VWA3B: variants seen among roughly 807,000 people sequenced by gnomAD.
VWA3B encodes von Willebrand factor A domain-containing protein 3B.
In VWA3B, 138 loss-of-function variants were observed where a neutral mutation model predicts 158.3. That is an observed-to-expected ratio of 0.87 (90% CI 0.76 to 1.00). VWA3B has a LOEUF of 1.00. Among genes scored for constraint, VWA3B ranks in the 50% least tolerant of loss-of-function variants. The pLI is 0.00. For missense variants in VWA3B, 1,555 were observed against 1,565.1 expected (o/e 0.99, Z 0.11); for synonymous variants, 596 against 587.3 (o/e 1.01, Z -0.21).
intron 23 of VWA3B, chr2:98,291,616 A>G (rs1689497411): frequency 6.6e-6 from 1 of 152,234 alleles, no homozygotes; most frequent in South Asian, 2.1e-4. Context: ...TGAAGTTTTC[A>G]AAAGCTCTCT....
chr2:98,112,495 C>T (rs537486630), intron 2 of VWA3B, among the ~76,000 whole-genome samples: 19 of 151,772 alleles, frequency 1.3e-4, no homozygotes, highest in Non-Finnish European at 2.5e-4. Context: ...ACCTTTTCAT[C>T]AGAGAAATCA....
At chr2:98,231,844 A>G (rs1344001977) in intron 16 of VWA3B, among the ~76,000 whole-genome samples, 2 of 152,226 alleles carry the variant, frequency 1.3e-5, no homozygotes, top group Non-Finnish European at 2.9e-5. Context: ...AATATTTCCC[A>G]CTTAGTCTCA....
Position 98,300,139 on chromosome 2 carries a change from G to GC in VWA3B, c.3345dup (p.Ile1116HisfsTer8). The GC allele has an allele frequency of 6.2e-7, 1 of 1,614,218 alleles. No individual in the cohort carries two copies. The highest frequency in any genetic ancestry group is 8.5e-7 in the Non-Finnish European group (1 of 1,180,030). On this transcript the variant is annotated frameshift_variant, in exon 25 of 28. Coordinates refer to ENST00000477737, the MANE Select transcript of VWA3B (RefSeq NM_144992.5). LOFTEE classifies it high-confidence loss of function. ...CAAAGGATTTGACTTCTATGTCCCT[G>GC]CCATTGTCATAGCACTTCCCAATAA...
At chr2:98,102,490 C>G (rs950705044) in intron 2 of VWA3B, among the ~76,000 whole-genome samples, 2 of 152,086 alleles carry the variant, frequency 1.3e-5, no homozygotes, top group Non-Finnish European at 2.9e-5. Context: ...ACCAGGCGGC[C>G]GGGCAGAGAC....
chr2:98,223,125 T>C (rs1684643250), intron 14 of VWA3B, among the ~76,000 whole-genome samples: 1 of 151,954 alleles, frequency 6.6e-6, no homozygotes, highest in Admixed American at 6.5e-5. Context: ...TCTCAGAATA[T>C]AAGTAGGAAT....
At chr2:98,219,976 G>A (rs996731273) in intron 14 of VWA3B, among the ~76,000 whole-genome samples, 6 of 151,970 alleles carry the variant, frequency 3.9e-5, no homozygotes, top group South Asian at 2.1e-4. Flanking sequence ...CAGCCTGAGC[G>A]ACACGGCAAG....
intron 2 of VWA3B, among the ~76,000 whole-genome samples, chr2:98,105,597 G>A (rs1214924481): frequency 2.0e-5 from 3 of 151,930 alleles, no homozygotes; most frequent in African/African-American, 2.4e-5. Flanking sequence ...TAAGGTTCAC[G>A]TTTTTTTGTA....
chr2:98,191,221 A>T (rs573467210), intron 10 of VWA3B, among the ~76,000 whole-genome samples: 1 of 151,908 alleles, frequency 6.6e-6, no homozygotes, highest in African/African-American at 2.4e-5. Context: ...TTCTCTCCTC[A>T]TTCTGTTTAT....
chr2:98,234,559 C>T, intron 16 of VWA3B, 89 bp from the exon 17 acceptor site: 1 of 1,566,732 alleles, frequency 6.4e-7, no homozygotes, highest in Admixed American at 1.8e-5. Context: ...TGCATTCTTA[C>T]TTTAAGGAGC....
intron 7 of VWA3B, among the ~76,000 whole-genome samples, chr2:98,151,625 C>T (rs1203811867): frequency 6.6e-6 from 1 of 152,150 alleles, no homozygotes; most frequent in Non-Finnish European, 1.5e-5. Context: ...GGCTTGGAGA[C>T]AGTGTTTGCT....
intron 4 of VWA3B, among the ~76,000 whole-genome samples, chr2:98,120,219 G>C (rs994725353): frequency 2.0e-5 from 3 of 152,150 alleles, no homozygotes; most frequent in Non-Finnish European, 2.9e-5. Flanking sequence ...TGGCTTTATA[G>C]AATTTCCCAT....
At chr2:98,292,756 G>A (rs559657407) in intron 23 of VWA3B, among the ~76,000 whole-genome samples, 31 of 152,122 alleles carry the variant, frequency 2.0e-4, no homozygotes, top group African/African-American at 6.7e-4. Context: ...CCTGAGGTCG[G>A]GAGTTTGAGA....
chr2:98,099,293 A>G (rs1682925771), intron 2 of VWA3B: 1 of 152,078 alleles, frequency 6.6e-6, no homozygotes, highest in Admixed American at 6.6e-5. Flanking sequence ...GCTTTTGTTT[A>G]TCTGTGAAAG....
intron 22 of VWA3B, among the ~76,000 whole-genome samples, chr2:98,281,191 A>T (rs1237572496): frequency 6.6e-6 from 1 of 152,158 alleles, no homozygotes; most frequent in African/African-American, 2.4e-5. Context: ...ATCCCTCTAA[A>T]TCTAAATGAG....
intron 21 of VWA3B, among the ~76,000 whole-genome samples, chr2:98,260,699 T>G (rs931434835): frequency 1.3e-5 from 2 of 151,778 alleles, no homozygotes; most frequent in East Asian, 3.8e-4. Context: ...CAATATATGC[T>G]TCACACATTT....
intron 7 of VWA3B, among the ~76,000 whole-genome samples, chr2:98,136,146 T>C (rs947866978): frequency 1.3e-5 from 2 of 152,226 alleles, no homozygotes; most frequent in African/African-American, 2.4e-5. Context: ...TTTCAGGGTA[T>C]GACTTACCAT....
intron 17 of VWA3B, among the ~76,000 whole-genome samples, chr2:98,235,608 T>A (rs1685630175): frequency 6.6e-6 from 1 of 152,178 alleles, no homozygotes; most frequent in African/African-American, 2.4e-5. Context: ...GTATTTTTAG[T>A]AGAGACAGGG....
At chr2:98,300,937 T>C (rs1256987557) in intron 25 of VWA3B, among the ~76,000 whole-genome samples, 3 of 152,060 alleles carry the variant, frequency 2.0e-5, no homozygotes, top group African/African-American at 7.2e-5. Flanking sequence ...TTGGGAGACA[T>C]AAGGGCGGAC....
intron 12 of VWA3B, among the ~76,000 whole-genome samples, chr2:98,207,915 C>T (rs752898393): frequency 6.6e-6 from 1 of 152,084 alleles, no homozygotes; most frequent in African/African-American, 2.4e-5. Context: ...GAATGGTGTA[C>T]TGAAGACCCC....
Sources: gnomAD v4.1 joint callset for allele counts (sites outside exome capture counted in the v4.1 genomes callset) on GRCh38, gnomAD v4.1.1 for gene constraint, MANE v1.5 for transcripts, NCBI Gene and HGNC (gene_info 2026-07-23, HGNC 2026-07-21) for gene names.